FAM184B: variants seen among roughly 807,000 people sequenced by gnomAD.
The protein encoded by FAM184B is family with sequence similarity 184 member B, also known as protein FAM184B.
Under a neutral mutation model 135.9 loss-of-function variants are expected in FAM184B, and 111 were observed. That is an observed-to-expected ratio of 0.82 (90% CI 0.70 to 0.96). FAM184B has a LOEUF of 0.96. Ranked by LOEUF, FAM184B falls within the 40% of genes least tolerant of loss-of-function variation. FAM184B has a pLI of 0.00. For missense variants in FAM184B, 1,375 were observed against 1,323.9 expected (o/e 1.04, Z -0.60); for synonymous variants, 552 against 524.8 (o/e 1.05, Z -0.71).
In FAM184B at chr4:17,635,034, G is replaced by C. The variant is rs763605381; in HGVS notation, c.2864C>G (p.Pro955Arg). The C allele has an allele frequency of 1.3e-5, 20 of 1,551,708 alleles. No individual in the cohort carries two copies. Among genetic ancestry groups the C allele is most frequent in the Non-Finnish European group, 1.7e-5 (20 of 1,146,848 alleles). The stretch of plus-strand genomic sequence containing the variant: ...CTTCATGGAAGGGGTCAAATATCCC[G>C]GGTGAGGATTGAAAGAGAAAGACCG... ...RNRSFSFNPH[P>R]GYLTPSMKKK... Residue 955 changes from proline (P) to arginine (R), a missense_variant, in exon 16 of 18, where the codon CCG becomes CGG. Coordinates refer to ENST00000265018, the MANE Select transcript of FAM184B (RefSeq NM_015688.2).
chr4:17,681,519 G>T (rs1462555034), intron 7 of FAM184B, among the ~76,000 whole-genome samples: 1 of 152,202 alleles, frequency 6.6e-6, no homozygotes, highest in African/African-American at 2.4e-5. Flanking sequence ...AACCAAGGGT[G>T]CTGGCTCCCA....
intron 7 of FAM184B, among the ~76,000 whole-genome samples, chr4:17,680,671 G>T (rs74775034): frequency 3.4e-4 from 52 of 152,104 alleles, no homozygotes; most frequent in African/African-American, 1.2e-3. Flanking sequence ...TGCTAAAGTG[G>T]CCTGGGTATG....
chr4:17,746,968 G>T (rs1042119456), intron 1 of FAM184B, among the ~76,000 whole-genome samples: 1 of 150,966 alleles, frequency 6.6e-6, no homozygotes, highest in East Asian at 2.0e-4. Flanking sequence ...AGCCCTGGAG[G>T]TGGAGTTTGC....
At chr4:17,681,394 ACACT>A (rs1249309948) in intron 7 of FAM184B, among the ~76,000 whole-genome samples, 15 of 152,212 alleles carry the variant, frequency 9.9e-5, no homozygotes, top group Admixed American at 2.0e-4. Flanking sequence ...GCCCTGCCCT[ACACT>A]GTCTTCCCAG....
intron 1 of FAM184B, among the ~76,000 whole-genome samples, chr4:17,728,055 A>T (rs1169218635): frequency 2.6e-5 from 4 of 152,146 alleles, no homozygotes; most frequent in African/African-American, 9.7e-5. Context: ...AGGTGGGAGG[A>T]TCACTTAAAT....
intron 7 of FAM184B, among the ~76,000 whole-genome samples, chr4:17,666,882 G>C (rs757618402): frequency 6.6e-6 from 1 of 151,838 alleles, no homozygotes; most frequent in East Asian, 1.9e-4. Flanking sequence ...AATATGTCAC[G>C]GGCCACTCCA....
chr4:17,684,059 C>A (rs1716509938), intron 7 of FAM184B, among the ~76,000 whole-genome samples: 1 of 140,352 alleles, frequency 7.1e-6, no homozygotes, highest in Non-Finnish European at 1.5e-5. Flanking sequence ...CAGAACAAGA[C>A]CCAGTCTCAA....
intron 1 of FAM184B, among the ~76,000 whole-genome samples, chr4:17,753,746 G>A (rs924798189): frequency 5.9e-5 from 9 of 152,168 alleles, no homozygotes; most frequent in Non-Finnish European, 1.2e-4. Context: ...GTGATTTATT[G>A]GGGAACTTAG....
intron 11 of FAM184B, among the ~76,000 whole-genome samples, chr4:17,648,114 T>C (rs1479400497): frequency 6.6e-6 from 1 of 152,054 alleles, no homozygotes; most frequent in Non-Finnish European, 1.5e-5. Flanking sequence ...GGAGTTGAGA[T>C]GCAAAATTTC....
intron 7 of FAM184B, among the ~76,000 whole-genome samples, chr4:17,671,072 C>A (rs989732767): frequency 6.6e-6 from 1 of 152,076 alleles, no homozygotes; most frequent in Non-Finnish European, 1.5e-5. Flanking sequence ...TGTACATATT[C>A]CCTTTGTAAA....
At chr4:17,687,910 G>C (rs1207954047) in intron 7 of FAM184B, among the ~76,000 whole-genome samples, 2 of 152,132 alleles carry the variant, frequency 1.3e-5, no homozygotes, top group Non-Finnish European at 2.9e-5. Flanking sequence ...ATTCGTTATG[G>C]TGATCCTAGA....
rs781050490 is a variant in FAM184B at position 17,636,561 on chromosome 4, C to A, written c.2751G>T (p.Leu917=). The change falls in exon 15 of 18, where the codon CTG becomes CTT. Residue 917 remains leucine (L), a synonymous_variant. Transcript: ENST00000265018. ...LQLIGRLQTR[L]KEREDIIKQL... ...GCTTGATGATGTCCTCTCTCTCCTTCAGGCGGGTCTGCAGGCGGCCAATGA... is the reference window on the plus strand; with the variant it reads ...GCTTGATGATGTCCTCTCTCTCCTTAAGGCGGGTCTGCAGGCGGCCAATGA... 6.4e-7 allele frequency: 1 copy of A among 1,551,102 alleles called. No homozygotes were observed. Among genetic ancestry groups the A allele is most frequent in the Non-Finnish European group, 8.7e-7 (1 of 1,146,874 alleles).
chr4:17,691,823 G>A (rs182082613), intron 6 of FAM184B, among the ~76,000 whole-genome samples: 1 of 152,172 alleles, frequency 6.6e-6, no homozygotes, highest in African/African-American at 2.4e-5. Context: ...GGGAGGCCAA[G>A]GCAGGCAGAT....
At chr4:17,760,189 G>A (rs750306410) in intron 1 of FAM184B, among the ~76,000 whole-genome samples, 32 of 152,084 alleles carry the variant, frequency 2.1e-4, no homozygotes, top group Admixed American at 3.9e-4. Context: ...AAATCCGCTG[G>A]GCATGGTGGC....
intron 1 of FAM184B, among the ~76,000 whole-genome samples, chr4:17,775,033 TG>T (rs1439221245): frequency 7.2e-6 from 1 of 139,460 alleles, no homozygotes; most frequent in Non-Finnish European, 1.5e-5. Context: ...AGTCTTGCTC[TG>T]TCACCAGGCT....
intron 1 of FAM184B, among the ~76,000 whole-genome samples, chr4:17,720,054 T>A (rs1359303790): frequency 6.6e-6 from 1 of 152,232 alleles, no homozygotes; most frequent in Non-Finnish European, 1.5e-5. Context: ...ATCCTTCACA[T>A]AGGAATGCCC....
At position 17,633,577 on chromosome 4, in the gene FAM184B, C is replaced by CCATGAAAAAAGGCCTTCTGGAATTTGGTA. The variant is rs1386793073; in HGVS notation, c.3089+83_3089+111dup. 1.2e-4 allele frequency: 114 copies of CCATGAAAAAAGGCCTTCTGGAATTTGGTA among 972,058 alleles called. 2 individuals carry two copies. In the East Asian group the frequency reaches 2.9e-3, roughly 25 times the overall value. The allele number at this position is 972,058 out of a possible 1,614,324, so 60.2% of individuals were successfully genotyped here. A position where few individuals can be genotyped will look rare whatever the true frequency, so the allele number is the denominator to read the frequency against. ...GATTCAGTGTCCCTTGTCTAATCAT[C>CCATGAAAAAAGGCCTTCTGGAATTTGGTA]CATGAAAAAAGGCCTTCTGGAATTT... On this transcript the variant is annotated intron_variant, in intron 17 of 17. Transcript: ENST00000265018.
At position 17,635,108 on chromosome 4, in the gene FAM184B, C is replaced by T; in HGVS notation, c.2790G>A (p.Glu930=). The change falls in exon 16 of 18, where the codon GAG becomes GAA. Residue 930 remains glutamate, a synonymous_variant. Transcript: ENST00000265018. ...GGAATGCTGCGTAGTGAAATCTTCT[C>T]TCTTCCTAGAAAACCAATACAACTG... The part of the protein sequence containing the change: ...REDIIKQLTE[E]RRFHYAAFPS... 6.4e-7 allele frequency: 1 copy of T among 1,551,274 alleles called. No homozygotes were observed. The highest frequency in any genetic ancestry group is 8.7e-7 in the Non-Finnish European group (1 of 1,146,658).
At chr4:17,741,106 A>T (rs917730689) in intron 1 of FAM184B, among the ~76,000 whole-genome samples, 3 of 152,184 alleles carry the variant, frequency 2.0e-5, no homozygotes, top group Non-Finnish European at 2.9e-5. Context: ...TGTTCTTGGT[A>T]TTAGGAATAC....
Sources: gnomAD v4.1 joint callset for allele counts (sites outside exome capture counted in the v4.1 genomes callset) on GRCh38, gnomAD v4.1.1 for gene constraint, MANE v1.5 for transcripts, NCBI Gene and HGNC (gene_info 2026-07-23, HGNC 2026-07-21) for gene names.